RETSAT: variants seen among roughly 807,000 people sequenced by gnomAD.
The protein encoded by RETSAT is all-trans-retinol 13,14-reductase.
Under a neutral mutation model 61.6 loss-of-function variants are expected in RETSAT, and 35 were observed. The observed-to-expected ratio is 0.57, with a 90% CI of 0.43 to 0.75. The LOEUF (loss-of-function observed/expected upper bound fraction) is 0.75. Ranked by LOEUF, RETSAT falls within the 30% of genes least tolerant of loss-of-function variation. The pLI is 0.00. For missense variants in RETSAT, 670 were observed against 759.5 expected, an observed-to-expected ratio of 0.88 and a Z score of 1.38; for synonymous variants, 277 against 310.4, an observed-to-expected ratio of 0.89 and a Z score of 1.13.
At chr2:85,351,987 G>A (rs943456090) in intron 1 of RETSAT, 125 bp from the exon 2 acceptor site, 8 of 823,210 alleles carry the variant, frequency 9.7e-6, no homozygotes, top group South Asian at 3.6e-5. Flanking sequence ...GTTTGGCACA[G>A]AACTCTTGAC....
At chr2:85,349,703 A>G (rs1461989542) in intron 4 of RETSAT, 122 bp from the exon 5 acceptor site, 4 of 866,888 alleles carry the variant, frequency 4.6e-6, no homozygotes, top group South Asian at 1.6e-5. Context: ...CATGTTCCTC[A>G]GGGTCCAAGG....
In RETSAT at chr2:85,343,245, A is replaced by C. The variant is rs1017570866; in HGVS notation, c.1830T>G (p.Asn610Lys). ...CTCTGACTCCTCCCTGATGGAACTAATTCTTTTTCTTCTGTGCCCGGATCC... is the reference window on the plus strand; with the variant it reads ...CTCTGACTCCTCCCTGATGGAACTACTTCTTTTTCTTCTGTGCCCGGATCC... ...DSRIRAQKKK[N>K] The change falls in exon 11 of 11, where the codon AAT (asparagine) becomes AAG (lysine). Residue 610 changes from asparagine to lysine, a missense_variant. Transcript: ENST00000295802. 3 of 1,614,058 alleles carry C rather than the reference A, an allele frequency of 1.9e-6. No individual in the cohort carries two copies. Among genetic ancestry groups the C allele is most frequent in the African/African-American group, 2.7e-5 (2 of 75,068 alleles).
rs1216380991 is a variant in RETSAT, at chr2:85,342,194, CA to C, written c.*1047del. ...GATACCAAAGACATAACTGAAAAGT[CA>C]TTTTTCCAAACCTTGAGCTTGCATT... On this transcript the variant is annotated 3_prime_UTR_variant, in exon 11 of 11. Coordinates refer to ENST00000295802, the MANE Select transcript of RETSAT (RefSeq NM_017750.4). 3 of 184,290 alleles carry C rather than the reference CA, an allele frequency of 1.6e-5. No homozygotes were observed. In the Admixed American group the frequency reaches 1.7e-4, roughly 10 times the overall value. 11.4% of individuals were successfully genotyped at this position (184,290 alleles called of 1,614,324 possible).
chr2:85,351,245 G>A (rs1340120852), intron 2 of RETSAT, among the ~76,000 whole-genome samples: 1 of 152,126 alleles, frequency 6.6e-6, no homozygotes, highest in Non-Finnish European at 1.5e-5. Context: ...CTGCCCAGAG[G>A]CTGGGCACGG....
Position 85,351,693 on chromosome 2 carries a change from A to G in RETSAT, c.342T>C (p.Leu114=), listed in dbSNP as rs1683301685. 6.2e-7 allele frequency: 1 copy of G among 1,613,870 alleles called. No individual in the cohort carries two copies. Among genetic ancestry groups the G allele is most frequent in the Non-Finnish European group, 8.5e-7 (1 of 1,179,918 alleles). Residue 114 remains leucine (L), a synonymous_variant, in exon 2 of 11, where the codon CTT becomes CTC. Transcript: ENST00000295802. The part of the protein sequence containing the change: ...GCCHTFGKNG[L]EFDTGIHYIG... ...CACAAGCCTTACCTGTGTCAAATTC[A>G]AGGCCATTCTTTCCAAAGGTATGAC... is the stretch of plus-strand genomic sequence containing the variant.
chr2:85,352,400 C>T (rs983630208), intron 1 of RETSAT, among the ~76,000 whole-genome samples: 7 of 151,950 alleles, frequency 4.6e-5, no homozygotes, highest in Admixed American at 2.0e-4. Context: ...CCCACCACCA[C>T]GCCCGGCTAA....
Position 85,350,093 on chromosome 2 carries a change from A to G in RETSAT, c.746T>C (p.Leu249Pro), listed in dbSNP as rs112735161. The G allele has an allele frequency of 6.2e-7, 1 of 1,614,004 alleles. No individual in the cohort carries two copies. The change falls in exon 4 of 11, where the codon CTG becomes CCG. Residue 249 changes from leucine (L) to proline (P), a missense_variant. Transcript: ENST00000295802. ...TQSLAEVLQQ[L>P]GASSELQAVL... ...TGCCTGGAGCTCAGAGGAGGCCCCCAGCTGCTGCAGGACCTCAGCCAGGCT... is the reference window on the plus strand; with the variant it reads ...TGCCTGGAGCTCAGAGGAGGCCCCCGGCTGCTGCAGGACCTCAGCCAGGCT...
chr2:85,344,502 G>T, intron 7 of RETSAT, 92 bp downstream of exon 7: 2 of 1,564,302 alleles, frequency 1.3e-6, no homozygotes, highest in Non-Finnish European at 1.7e-6. Flanking sequence ...ATTAGAAATT[G>T]CCTACTTCCT....
chr2:85,344,377 T>C (rs758688305), intron 7 of RETSAT, 29 bp from the exon 8 acceptor site: 1 of 1,608,592 alleles, frequency 6.2e-7, no homozygotes, highest in South Asian at 1.1e-5. Context: ...TGGTGGGATC[T>C]CCAGGTTTTT....
Position 85,344,731 on chromosome 2 carries a change from A to G in RETSAT, c.1119T>C (p.Gly373=). 1 of 1,613,928 alleles carries G rather than the reference A, an allele frequency of 6.2e-7. No homozygotes were observed. The highest frequency in any genetic ancestry group is 8.5e-7 in the Non-Finnish European group (1 of 1,179,902). Residue 373 remains glycine (G), a splice_region_variant and synonymous_variant, in exon 7 of 11, where the codon GGT becomes GGC. Transcript: ENST00000295802. ...LLPGNARCLP[G]VKQQLGTVRP... ...GCACCGTCCCCAGTTGCTGCTTCACACCTGCCAGGGGGAGTGGTTGGTGCC... is the reference window on the plus strand; with the variant it reads ...GCACCGTCCCCAGTTGCTGCTTCACGCCTGCCAGGGGGAGTGGTTGGTGCC...
rs749009717 is a variant in RETSAT, at chr2:85,349,561, C to T, written c.820G>A (p.Ala274Thr). 6 of 1,614,040 alleles carry T rather than the reference C, an allele frequency of 3.7e-6. No homozygotes were observed. Among genetic ancestry groups the T allele is most frequent in the Non-Finnish European group, 5.1e-6 (6 of 1,180,034 alleles). ...PTYGVTPNHS[A>T]FSMHALLVNH... The stretch of plus-strand genomic sequence containing the variant: ...ACCAGCAGGGCGTGCATGGAAAAGG[C>T]ACTGTGGTTGGGGGTGACACCTGCA... Residue 274 changes from alanine to threonine, a missense_variant, in exon 5 of 11, where the codon GCC (alanine) becomes ACC (threonine). Physicochemically the swap from Ala to Thr is moderately conservative, Grantham distance 58 (BLOSUM62 0). Coordinates refer to ENST00000295802, the MANE Select transcript of RETSAT (RefSeq NM_017750.4).
chr2:85,353,419 G>A (rs993110208), intron 1 of RETSAT, among the ~76,000 whole-genome samples: 3 of 152,254 alleles, frequency 2.0e-5, no homozygotes, highest in African/African-American at 7.2e-5. Context: ...GGACAATAGA[G>A]CGAGACTCTG....
intron 4 of RETSAT, 94 bp from the exon 5 acceptor site, chr2:85,349,675 A>G: frequency 1.9e-6 from 2 of 1,065,144 alleles, no homozygotes; most frequent in Non-Finnish European, 1.4e-6. Context: ...CACACAGCCC[A>G]GTCTATCCGA....
At chr2:85,351,651 C>T (rs371316995) in intron 2 of RETSAT, 29 bp downstream of exon 2, 3 of 1,603,764 alleles carry the variant, frequency 1.9e-6, no homozygotes, top group Non-Finnish European at 8.5e-7. Flanking sequence ...TACAGCCATG[C>T]TCCCAACCCT....
intron 9 of RETSAT, 28 bp from the exon 10 acceptor site, chr2:85,343,826 T>C (rs1318129035): frequency 6.2e-7 from 1 of 1,610,696 alleles, no homozygotes; most frequent in Admixed American, 1.7e-5. Context: ...GGGGCAGGCA[T>C]GTGAGATCCT....
chr2:85,350,088 C>T lies in RETSAT; in HGVS notation c.751G>A (p.Ala251Thr), dbSNP rs1306263512. 1.2e-6 allele frequency: 2 copies of T among 1,613,906 alleles called. No individual in the cohort carries two copies. Among genetic ancestry groups the T allele is most frequent in the Middle Eastern group, 1.7e-4 (1 of 6,060 alleles). ...SLAEVLQQLG[A>T]SSELQAVLSY... ...AGTACTGCCTGGAGCTCAGAGGAGG[C>T]CCCCAGCTGCTGCAGGACCTCAGCC... Residue 251 changes from alanine (A) to threonine (T), a missense_variant, in exon 4 of 11, where the codon GCC becomes ACC. Ala to Thr is a moderately conservative substitution (Grantham distance 58). Transcript: ENST00000295802.
chr2:85,347,516 T>C (rs1683222689), intron 5 of RETSAT, among the ~76,000 whole-genome samples: 3 of 151,890 alleles, frequency 2.0e-5, no homozygotes, highest in Admixed American at 2.0e-4. Flanking sequence ...CGTGAGCCAC[T>C]GCGCCTGGCC....
At chr2:85,345,394 TC>T (rs1349260773) in intron 6 of RETSAT, 1 of 192,476 alleles carries the variant, frequency 5.2e-6, no homozygotes, top group Non-Finnish European at 1.1e-5. Flanking sequence ...CAGGGCTCCT[TC>T]CCCTGCTCTC....
intron 10 of RETSAT, 26 bp downstream of exon 10, chr2:85,343,613 C>T (rs768152001): frequency 6.2e-7 from 1 of 1,613,500 alleles, no homozygotes; most frequent in Admixed American, 1.7e-5. Context: ...GTCTCAGGTC[C>T]TGACAACATG....
Sources: allele counts gnomAD v4.1 joint callset (sites outside exome capture counted in the v4.1 genomes callset), GRCh38; gene constraint gnomAD v4.1.1; transcripts MANE v1.5; gene names NCBI Gene and HGNC (gene_info 2026-07-23, HGNC 2026-07-21).